Variants in SIK2 observed in about 807,000 individuals in gnomAD.
SIK2 encodes serine/threonine-protein kinase SIK2.
SIK2 carries 29 observed loss-of-function variants against 103.2 expected under a neutral mutation model. The observed-to-expected ratio is 0.28, with a 90% CI of 0.21 to 0.38. The LOEUF (loss-of-function observed/expected upper bound fraction) is 0.38. Ranked by LOEUF, SIK2 falls within the 10% of genes least tolerant of loss-of-function variation. SIK2 has a pLI of 1.00. For synonymous variants in SIK2, 412 were observed against 446.1 expected (o/e 0.92, Z 0.96); for missense variants, 879 against 1,171.0 (o/e 0.75, Z 3.64).
chr11:111,688,091 G>A lies in SIK2; in HGVS notation c.407G>A (p.Arg136Gln), dbSNP rs200775925. The change falls in exon 4 of 15, where the codon CGG becomes CAG. Residue 136 changes from arginine (R) to glutamine (Q), a missense_variant. Transcript: ENST00000304987. The surrounding 1 kb of genome is among the most constrained non-coding windows in gnomAD (Gnocchi z 4.2). ...TCTGCTGTTGATTATTGTCATGGTC[G>A]GAAGATTGTGCACCGTGACCTCAAA... Reference protein sequence around the residue: ...ILSAVDYCHGRKIVHRDLKAE... With the variant: ...ILSAVDYCHGQKIVHRDLKAE... The A allele has an allele frequency of 5.1e-5, 83 of 1,614,034 alleles. No homozygotes were observed. Among genetic ancestry groups the A allele is most frequent in the South Asian group, 6.6e-5 (6 of 91,072 alleles).
intron 3 of SIK2, among the ~76,000 whole-genome samples, chr11:111,639,401 G>C (rs1262386401): frequency 4.6e-5 from 7 of 152,178 alleles, no homozygotes; most frequent in Admixed American, 1.3e-4. Flanking sequence ...TGGCATGCTT[G>C]GGATGCCTGT....
chr11:111,646,445 T>G (rs577849916), intron 3 of SIK2, among the ~76,000 whole-genome samples: 18 of 152,294 alleles, frequency 1.2e-4, no homozygotes, highest in Non-Finnish European at 2.4e-4. Context: ...GTGAAACTCC[T>G]TTCTAAATAA....
In SIK2 at chr11:111,728,464, T is replaced by A. The variant is rs1242492525; in HGVS notation, c.*4335T>A. On this transcript the variant is annotated 3_prime_UTR_variant, in exon 15 of 15. Coordinates refer to ENST00000304987, the MANE Select transcript of SIK2 (RefSeq NM_015191.3). Reference sequence around the variant, plus strand: ...CTACCGCATCCAGCTAGTTTGTATATTTTTAGTAGAGATGGGGTTTCACCA... The same window carrying A: ...CTACCGCATCCAGCTAGTTTGTATAATTTTAGTAGAGATGGGGTTTCACCA... The A allele has an allele frequency of 6.6e-6, 1 of 152,130 alleles. No homozygotes were observed. The highest frequency in any genetic ancestry group is 2.4e-5 in the African/African-American group (1 of 41,402). 9.4% of individuals were successfully genotyped at this position (152,130 alleles called of 1,614,324 possible).
At chr11:111,692,420 G>A (rs1231592233) in intron 4 of SIK2, among the ~76,000 whole-genome samples, 2 of 134,686 alleles carry the variant, frequency 1.5e-5, no homozygotes, top group Non-Finnish European at 3.1e-5. Flanking sequence ...GAGAGAGATA[G>A]AGATCGAGGC....
chr11:111,616,236 G>A lies in SIK2; in HGVS notation c.136-7G>A. ...CTAATTGTATTTATTTGTGTTCTGG[G>A]ATGCAGGTGGCAATAAAAATAATCG... is the stretch of plus-strand genomic sequence containing the variant. On this transcript the variant is annotated splice_region_variant and splice_polypyrimidine_tract_variant and intron_variant, in intron 1 of 14. Transcript: ENST00000304987. 6.4e-7 allele frequency: 1 copy of A among 1,572,656 alleles called. No individual in the cohort carries two copies. The highest frequency in any genetic ancestry group is 8.7e-7 in the Non-Finnish European group (1 of 1,143,054).
chr11:111,699,085 G>A (rs1317526644), intron 4 of SIK2, among the ~76,000 whole-genome samples: 1 of 152,192 alleles, frequency 6.6e-6, no homozygotes, highest in East Asian at 1.9e-4. Context: ...AGTCATAGAG[G>A]TGGTACTGTG....
At chr11:111,638,864 TG>T (rs1813390623) in intron 3 of SIK2, among the ~76,000 whole-genome samples, 1 of 151,664 alleles carries the variant, frequency 6.6e-6, no homozygotes, top group African/African-American at 2.4e-5. Context: ...TTTAATTTTT[TG>T]TTGTTGTTGT....
chr11:111,625,758 G>A (rs945963348), intron 3 of SIK2, among the ~76,000 whole-genome samples: 11 of 152,080 alleles, frequency 7.2e-5, no homozygotes, highest in African/African-American at 1.7e-4. Context: ...AAAATGGAGA[G>A]AGCAAAATAG....
At chr11:111,695,300 CATT>C (rs1943045010) in intron 4 of SIK2, among the ~76,000 whole-genome samples, 3 of 152,128 alleles carry the variant, frequency 2.0e-5, no homozygotes, top group South Asian at 4.2e-4. Flanking sequence ...ATAAATTAGA[CATT>C]ATAACACACT....
Position 111,606,956 on chromosome 11 carries a change from G to GA in SIK2, c.135+4271dup, listed in dbSNP as rs61590310. On this transcript the variant is annotated intron_variant, in intron 1 of 14. Coordinates refer to ENST00000304987, the MANE Select transcript of SIK2 (RefSeq NM_015191.3). ...TAGCAAGACCCAGTCTCATTAAAAA[G>GA]AAAAAAAAAAAAACTTATAAATAAA... 8.4e-3 allele frequency among the ~76,000 whole-genome samples: 1,166 copies of GA among 139,312 alleles called. 13 individuals are homozygous for GA. The highest frequency in any genetic ancestry group is 0.025 in the African/African-American group (883 of 35,792). The allele number at this position is 139,312 out of a possible 152,430, so 91.4% of individuals were successfully genotyped here. A position where few individuals can be genotyped will look rare whatever the true frequency, so the allele number is the denominator to read the frequency against.
chr11:111,676,189 C>A (rs2135884379), intron 3 of SIK2, among the ~76,000 whole-genome samples: 1 of 152,300 alleles, frequency 6.6e-6, no homozygotes, highest in East Asian at 1.9e-4. Context: ...TGATTCCACA[C>A]TTCTGCTATT....
chr11:111,616,420 A>G (rs1380013116), intron 2 of SIK2, 61 bp downstream of exon 2: 2 of 930,984 alleles, frequency 2.1e-6, no homozygotes, highest in Non-Finnish European at 3.4e-6. Flanking sequence ...ATTTCGTATC[A>G]TGATTTTTCT....
chr11:111,671,544 C>T (rs1257607907), intron 3 of SIK2: 4 of 321,630 alleles, frequency 1.2e-5, no homozygotes, highest in East Asian at 9.2e-5. Context: ...TGATCTGGTA[C>T]ATGCTCTCAG....
intron 4 of SIK2, among the ~76,000 whole-genome samples, chr11:111,692,649 A>T (rs1942975846): frequency 6.6e-6 from 1 of 152,146 alleles, no homozygotes; most frequent in African/African-American, 2.4e-5. Flanking sequence ...TTTATCTGTA[A>T]ATTTTATAAC....
chr11:111,719,706 G>C, intron 9 of SIK2, 69 bp from the exon 10 acceptor site: 2 of 1,486,368 alleles, frequency 1.3e-6, no homozygotes, highest in Non-Finnish European at 1.8e-6. Flanking sequence ...GTCTTGACAT[G>C]TTTTCCTTTG....
At chr11:111,656,063 A>T (rs1257414940) in intron 3 of SIK2, among the ~76,000 whole-genome samples, 1 of 149,526 alleles carries the variant, frequency 6.7e-6, no homozygotes, top group East Asian at 1.9e-4. Flanking sequence ...GGTGCTGCGT[A>T]CCTGTGGTCC....
At chr11:111,651,634 G>A (rs1313737654) in intron 3 of SIK2, among the ~76,000 whole-genome samples, 4 of 152,142 alleles carry the variant, frequency 2.6e-5, no homozygotes, top group Non-Finnish European at 5.9e-5. Flanking sequence ...CATGGCACAC[G>A]TTTACCTGTG....
intron 1 of SIK2, among the ~76,000 whole-genome samples, chr11:111,612,938 A>ATATATATATATATATATATATATATG (rs1405134626): frequency 2.0e-5 from 3 of 146,532 alleles, no homozygotes; most frequent in African/African-American, 7.8e-5. Context: ...ATATATATAT[A>ATATATATATATATATATATATATATG]TATATATATT....
At position 111,688,204 on chromosome 11, in the gene SIK2, C is replaced by G. The variant is rs762004061; in HGVS notation, c.478+42C>G. 1.9e-6 allele frequency: 3 copies of G among 1,603,074 alleles called. No individual in the cohort carries two copies. The highest frequency in any genetic ancestry group is 2.6e-6 in the Non-Finnish European group (3 of 1,170,768). ...TGGCTCTAATAAGATCCGAAGTGAG[C>G]CACTGCACTCAGTGTGTGGAAACAG... On this transcript the variant is annotated intron_variant, in intron 4 of 14. Transcript: ENST00000304987. This position sits in a 1 kb window ranked among gnomAD's most constrained non-coding sequence, Gnocchi z 4.2.
Sources: gnomAD v4.1 joint callset for allele counts (sites outside exome capture counted in the v4.1 genomes callset) on GRCh38, gnomAD v4.1.1 for gene constraint, Gnocchi (gnomAD v3.1) non-coding constraint, MANE v1.5 for transcripts, NCBI Gene and HGNC (gene_info 2026-07-23, HGNC 2026-07-21) for gene names.